Variants in TMTC4 observed in about 807,000 individuals in gnomAD.
The protein encoded by TMTC4 is protein O-mannosyl-transferase TMTC4.
Under a neutral mutation model 86.0 loss-of-function variants are expected in TMTC4, and 65 were observed. That is an observed-to-expected ratio of 0.76 (90% CI 0.62 to 0.93). TMTC4 has a LOEUF of 0.93. TMTC4 is among the 40% of genes least tolerant of loss of function. TMTC4 has a pLI of 0.00. For synonymous variants in TMTC4, 379 were observed against 382.5 expected, an observed-to-expected ratio of 0.99 and a Z score of 0.11; for missense variants, 866 against 948.1, an observed-to-expected ratio of 0.91 and a Z score of 1.14.
At chr13:100,658,285 G>C (rs1185513525) in intron 5 of TMTC4, among the ~76,000 whole-genome samples, 3 of 152,106 alleles carry the variant, frequency 2.0e-5, no homozygotes, top group Non-Finnish European at 4.4e-5. Flanking sequence ...GAAAGGCAAA[G>C]GACAGAGGAC....
Position 100,669,220 on chromosome 13 carries a change from GA to G in TMTC4, c.4-427del, listed in dbSNP as rs553336089. On this transcript the variant is annotated intron_variant, in intron 2 of 18. Transcript: ENST00000342624. Reference sequence around the variant, plus strand: ...TTAGCACACTGTGTGTGTGGCAGGGGAGAGGGTCGTGTGTAAAACACAACCC... The same window carrying G: ...TTAGCACACTGTGTGTGTGGCAGGGGGAGGGTCGTGTGTAAAACACAACCC... 3.3e-4 allele frequency among the ~76,000 whole-genome samples: 51 copies of G among 152,334 alleles called. 1 individual carries two copies. Among genetic ancestry groups the G allele is most frequent in the Middle Eastern group, 3.4e-3 (1 of 294 alleles).
At chr13:100,606,272 T>C (rs1385948082) in intron 18 of TMTC4, 86 bp downstream of exon 18, 1 of 1,170,794 alleles carries the variant, frequency 8.5e-7, no homozygotes, top group African/African-American at 1.5e-5. Flanking sequence ...AAAAAACTAC[T>C]CTCCCAACAT....
At position 100,637,575 on chromosome 13, in the gene TMTC4, T is replaced by C. The variant is rs753716410; in HGVS notation, c.962A>G (p.Asp321Gly). ...GTGPPAFTEV[D>G]NPASFADSML... ...GCTGTCAGCAAAGGAGGCCGGGTTG[T>C]CCACCTCGGTGAAGGCCGGCGGGCC... Residue 321 changes from aspartate to glycine, a missense_variant, in exon 9 of 19, where the codon GAC becomes GGC. Transcript: ENST00000342624. 2 of 1,614,096 alleles carry C rather than the reference T, an allele frequency of 1.2e-6. No individual in the cohort carries two copies. The highest frequency in any genetic ancestry group is 1.7e-5 in the Admixed American group (1 of 60,016).
intron 11 of TMTC4, 29 bp downstream of exon 11, chr13:100,634,995 C>T (rs1882010183): frequency 6.2e-7 from 1 of 1,609,048 alleles, no homozygotes; most frequent in Non-Finnish European, 8.5e-7. Context: ...TCATTCTGTT[C>T]ATCAGCTGGC....
upstream of TMTC4, chr13:100,674,883 T>G (rs1887672560): frequency 1.0e-6 from 1 of 973,690 alleles, no homozygotes; most frequent in Admixed American, 6.3e-5. Flanking sequence ...CTCCCGCAGC[T>G]CCCCACGCGC....
intron 12 of TMTC4, among the ~76,000 whole-genome samples, chr13:100,630,925 G>A (rs963469596): frequency 2.6e-5 from 4 of 152,196 alleles, no homozygotes; most frequent in Non-Finnish European, 5.9e-5. Context: ...TTAAGAATTG[G>A]TAAACAGGTT....
At chr13:100,674,697 T>A (rs1218915970) in intron 1 of TMTC4, 47 bp downstream of exon 1, 1 of 982,516 alleles carries the variant, frequency 1.0e-6, no homozygotes, top group Non-Finnish European at 1.2e-6. Context: ...CCAACTCCGC[T>A]CGCCCCGCGG....
intron 15 of TMTC4, among the ~76,000 whole-genome samples, chr13:100,614,675 A>G (rs1245070300): frequency 6.6e-6 from 1 of 152,166 alleles, no homozygotes; most frequent in African/African-American, 2.4e-5. Context: ...GGCACGAGGA[A>G]ATGAACTTGC....
chr13:100,634,812 T>C lies in TMTC4; in HGVS notation c.1499A>G (p.Asn500Ser), dbSNP rs772359674. The change falls in exon 12 of 19, where the codon AAT (asparagine) becomes AGT (serine). Residue 500 changes from asparagine (N) to serine (S), a missense_variant. By Grantham distance (46) the Asn-to-Ser change is conservative. Coordinates refer to ENST00000342624, the MANE Select transcript of TMTC4 (RefSeq NM_032813.5). ...AATCTGGCAGCTAGGTACCTTAGCA[T>C]TGAGGGGACACACAGACAGAGCACT... ...FRSALSVCPL[N>S]AKVHYNIGKN... 75 of 1,613,768 alleles carry C rather than the reference T, an allele frequency of 4.6e-5. No homozygotes were observed. The highest frequency in any genetic ancestry group is 5.8e-5 in the Non-Finnish European group (69 of 1,179,934).
Position 100,625,659 on chromosome 13 carries a change from G to C in TMTC4, c.1712C>G (p.Ala571Gly), listed in dbSNP as rs762498798. 2 of 1,614,096 alleles carry C rather than the reference G, an allele frequency of 1.2e-6. No individual in the cohort carries two copies. The highest frequency in any genetic ancestry group is 1.1e-5 in the South Asian group (1 of 91,074). ...AVQIQPDFAA[A>G]WMNLGIVQNS... ...CTGCACTATGCCTAGATTCATCCAC[G>C]CAGCGGCAAAGTCTGGCCTAGAGGA... The change falls in exon 15 of 19, where the codon GCG becomes GGG. Residue 571 changes from alanine to glycine, a missense_variant. Physicochemically the swap from Ala to Gly is moderately conservative, Grantham distance 60. Coordinates refer to ENST00000342624, the MANE Select transcript of TMTC4 (RefSeq NM_032813.5).
Position 100,605,263 on chromosome 13 carries a change from T to C in TMTC4, c.2135-121A>G. 1 of 1,159,216 alleles carries C rather than the reference T, an allele frequency of 8.6e-7. No individual in the cohort carries two copies. The highest frequency in any genetic ancestry group is 1.2e-6 in the Non-Finnish European group (1 of 827,376). 71.8% of individuals were successfully genotyped at this position (1,159,216 alleles called of 1,614,324 possible). ...AAACAGTTTTCAAAAGTCAATTGTA[T>C]GAAACAATATTGTTTGTACTGAAAA... On this transcript the variant is annotated intron_variant, in intron 18 of 18. Coordinates refer to ENST00000342624, the MANE Select transcript of TMTC4 (RefSeq NM_032813.5). The surrounding 1 kb of genome is among the most constrained non-coding windows in gnomAD (Gnocchi z 4.3).
chr13:100,650,197 G>T (rs1436413499), intron 6 of TMTC4, among the ~76,000 whole-genome samples: 1 of 152,212 alleles, frequency 6.6e-6, no homozygotes, highest in African/African-American at 2.4e-5. Context: ...TTACGATCCA[G>T]AATTGACCAG....
intron 17 of TMTC4, among the ~76,000 whole-genome samples, chr13:100,607,798 G>A (rs904736103): frequency 3.0e-4 from 45 of 152,250 alleles, no homozygotes; most frequent in African/African-American, 1.1e-3. Flanking sequence ...TTTTAGAAAT[G>A]TCATCCAAGA....
At chr13:100,637,775 T>C (rs941868560) in intron 8 of TMTC4, 73 bp from the exon 9 acceptor site, 1 of 1,579,446 alleles carries the variant, frequency 6.3e-7, no homozygotes, top group African/African-American at 1.3e-5. Context: ...GGTACAGATG[T>C]GCAGCAATTC....
At chr13:100,606,665 A>T (rs1162740725) in intron 17 of TMTC4, among the ~76,000 whole-genome samples, 1 of 152,142 alleles carries the variant, frequency 6.6e-6, no homozygotes, top group African/African-American at 2.4e-5. Flanking sequence ...GAGTGCCACC[A>T]CCTGCCTCCC....
chr13:100,636,130 C>T (rs1281515544), intron 10 of TMTC4, among the ~76,000 whole-genome samples: 1 of 152,088 alleles, frequency 6.6e-6, no homozygotes, highest in Non-Finnish European at 1.5e-5. Flanking sequence ...TTATTTTGTA[C>T]CCAGCTACAA....
At chr13:100,645,985 G>A (rs546661957) in intron 6 of TMTC4, among the ~76,000 whole-genome samples, 1 of 152,202 alleles carries the variant, frequency 6.6e-6, no homozygotes, top group East Asian at 1.9e-4. Context: ...TAGGGGCGTG[G>A]GGAGGGTAGG....
chr13:100,627,271 C>A (rs1013121482), intron 12 of TMTC4, among the ~76,000 whole-genome samples: 3 of 152,194 alleles, frequency 2.0e-5, no homozygotes, highest in Admixed American at 2.0e-4. Context: ...TAGGATCAGT[C>A]GTTGTCCTCA....
At chr13:100,638,171 A>C in intron 7 of TMTC4, 149 bp from the exon 8 acceptor site, 2 of 577,498 alleles carry the variant, frequency 3.5e-6, no homozygotes, top group Non-Finnish European at 6.1e-6. Flanking sequence ...AAAAAAACAC[A>C]TAACAGCCGT....
Sources: allele counts gnomAD v4.1 joint callset (sites outside exome capture counted in the v4.1 genomes callset), GRCh38; gene constraint gnomAD v4.1.1; non-coding constraint Gnocchi (gnomAD v3.1); transcripts MANE v1.5; gene names NCBI Gene and HGNC (gene_info 2026-07-23, HGNC 2026-07-21).